Variants in TNFSF4 observed in about 807,000 individuals in gnomAD.
TNFSF4 encodes the protein TNF superfamily member 4.
In TNFSF4, 4 loss-of-function variants were observed where a neutral mutation model predicts 7.3. The observed-to-expected ratio is 0.55, with a 90% CI of 0.27 to 1.25. TNFSF4 has a LOEUF of 1.25. Among genes scored for constraint, TNFSF4 ranks in the 50% most tolerant of loss-of-function variants. The pLI is 0.12. For synonymous variants in TNFSF4, 76 were observed against 83.7 expected (o/e 0.91, Z 0.50); for missense variants, 181 against 208.8 (o/e 0.87, Z 0.82).
upstream of TNFSF4, among the ~76,000 whole-genome samples, chr1:173,210,954 G>T (rs1212968490): frequency 3.9e-5 from 6 of 152,292 alleles, no homozygotes; most frequent in Admixed American, 3.9e-4. Context: ...TGAACAAAGG[G>T]CTGTACTCAT....
chr1:173,199,278 C>A (rs990803870), intron 1 of TNFSF4, among the ~76,000 whole-genome samples: 8 of 152,150 alleles, frequency 5.3e-5, no homozygotes, highest in East Asian at 1.9e-4. Context: ...TGCTTTATAG[C>A]GGCTTGAATA....
At chr1:173,248,337 C>T in the TNFSF4 span, among the ~76,000 whole-genome samples, 24 of 145,370 alleles carry the variant, frequency 1.7e-4, no homozygotes, top group East Asian at 4.5e-3. Flanking sequence ...GCCTAAACAA[C>T]AGAGTGAGAC....
the TNFSF4 span, among the ~76,000 whole-genome samples, chr1:173,280,232 C>T: frequency 2.0e-5 from 3 of 152,140 alleles, no homozygotes; most frequent in Non-Finnish European, 4.4e-5. Context: ...CTTACCTACT[C>T]TTCCCTCCAG....
chr1:173,410,464 C>T, the TNFSF4 span, among the ~76,000 whole-genome samples: 2,593 of 152,264 alleles, frequency 0.017, 83 homozygotes, highest in African/African-American at 0.06. Context: ...ACTGGTTCTC[C>T]GTATACTCAC....
At chr1:173,259,791 G>C in the TNFSF4 span, among the ~76,000 whole-genome samples, 1 of 152,066 alleles carries the variant, frequency 6.6e-6, no homozygotes, top group African/African-American at 2.4e-5. Context: ...GATAAGATTA[G>C]AGAAAAAAGA....
the TNFSF4 span, among the ~76,000 whole-genome samples, chr1:173,223,198 C>T: frequency 4.6e-5 from 7 of 150,956 alleles, no homozygotes; most frequent in Non-Finnish European, 1.0e-4. Context: ...GTAACTAGTA[C>T]CTCAATTCAC....
the TNFSF4 span, among the ~76,000 whole-genome samples, chr1:173,386,416 C>G: frequency 6.6e-6 from 1 of 152,298 alleles, no homozygotes; most frequent in African/African-American, 2.4e-5. Context: ...CCTCAAGGCC[C>G]AGGCAGAGAA....
chr1:173,203,388 A>G (rs1192626951), intron 1 of TNFSF4, among the ~76,000 whole-genome samples: 5 of 152,234 alleles, frequency 3.3e-5, no homozygotes, highest in African/African-American at 1.2e-4. Flanking sequence ...TTAATTCTCA[A>G]AGATTTGCTT....
the TNFSF4 span, among the ~76,000 whole-genome samples, chr1:173,326,420 G>A: frequency 1.3e-5 from 2 of 152,174 alleles, no homozygotes; most frequent in African/African-American, 4.8e-5. Context: ...ATACTGAATG[G>A]ACAAAAACTG....
chr1:173,347,284 T>C, the TNFSF4 span, among the ~76,000 whole-genome samples: 1 of 152,244 alleles, frequency 6.6e-6, no homozygotes, highest in Non-Finnish European at 1.5e-5. Flanking sequence ...TTCTTATGGA[T>C]ATCTCAAAGA....
At chr1:173,391,532 A>T in the TNFSF4 span, among the ~76,000 whole-genome samples, 1 of 151,318 alleles carries the variant, frequency 6.6e-6, no homozygotes, top group Non-Finnish European at 1.5e-5. Flanking sequence ...AAATTCCTTA[A>T]GAGGTCTTAG....
intron 1 of TNFSF4, among the ~76,000 whole-genome samples, chr1:173,202,249 C>T (rs1333324799): frequency 6.6e-6 from 1 of 152,124 alleles, no homozygotes; most frequent in East Asian, 1.9e-4. Context: ...TGTTTCCCAA[C>T]TCTCCTCTGT....
chr1:173,425,356 G>C, the TNFSF4 span, among the ~76,000 whole-genome samples: 1 of 152,152 alleles, frequency 6.6e-6, no homozygotes, highest in Non-Finnish European at 1.5e-5. Flanking sequence ...GGGTCATTTA[G>C]AAAGACTATT....
chr1:173,336,492 C>T, the TNFSF4 span, among the ~76,000 whole-genome samples: 4 of 152,098 alleles, frequency 2.6e-5, no homozygotes, highest in African/African-American at 7.2e-5. Context: ...TTCTCTATAT[C>T]TATTATCTAG....
intron 1 of TNFSF4, among the ~76,000 whole-genome samples, chr1:173,200,038 T>C (rs1489753353): frequency 2.6e-5 from 4 of 152,274 alleles, no homozygotes; most frequent in African/African-American, 9.6e-5. Flanking sequence ...TGTGTAAGTA[T>C]ATTTAAATCT....
chr1:173,345,660 C>A, the TNFSF4 span, among the ~76,000 whole-genome samples: 12 of 152,298 alleles, frequency 7.9e-5, no homozygotes, highest in African/African-American at 2.6e-4. Flanking sequence ...CTAAACCCAG[C>A]AGGATTCTTG....
the TNFSF4 span, among the ~76,000 whole-genome samples, chr1:173,253,795 T>A: frequency 6.6e-6 from 1 of 152,128 alleles, no homozygotes; most frequent in South Asian, 2.1e-4. Flanking sequence ...GTGAGATGAG[T>A]TTTTTTCTAT....
chr1:173,191,447 A>T (rs1649472158), intron 1 of TNFSF4, among the ~76,000 whole-genome samples: 1 of 152,092 alleles, frequency 6.6e-6, no homozygotes, highest in South Asian at 2.1e-4. Flanking sequence ...TGGCCTTCCA[A>T]CCATCTTCCC....
the TNFSF4 span, among the ~76,000 whole-genome samples, chr1:173,372,004 A>G: frequency 6.6e-6 from 1 of 152,148 alleles, no homozygotes; most frequent in Non-Finnish European, 1.5e-5. Context: ...TATGTGGATT[A>G]TTTACTTTTG....
Sources: gnomAD v4.1 joint callset for allele counts (sites outside exome capture counted in the v4.1 genomes callset) on GRCh38, gnomAD v4.1.1 for gene constraint, MANE v1.5 for transcripts, NCBI Gene and HGNC (gene_info 2026-07-23, HGNC 2026-07-21) for gene names.